Variants in TRIM24 observed in about 807,000 individuals in gnomAD.
TRIM24 encodes tripartite motif containing 24.
In TRIM24, 29 loss-of-function variants were observed where a neutral mutation model predicts 123.9. The observed-to-expected ratio is 0.23, with a 90% confidence interval of 0.17 to 0.32. The LOEUF (loss-of-function observed/expected upper bound fraction) is 0.32, where lower values mean the gene tolerates loss of function less well. Ranked by LOEUF, TRIM24 falls within the 10% of genes least tolerant of loss-of-function variation. The pLI is 1.00. For synonymous variants in TRIM24, 456 were observed against 461.1 expected (o/e 0.99, Z 0.14); for missense variants, 932 against 1,295.3 (o/e 0.72, Z 4.31).
chr7:138,472,546 A>G (rs530846242), intron 1 of TRIM24, among the ~76,000 whole-genome samples: 1 of 152,328 alleles, frequency 6.6e-6, no homozygotes, highest in Non-Finnish European at 1.5e-5. Flanking sequence ...ACAGGAGTGG[A>G]ACAAGGTTGA....
chr7:138,500,446 C>T (rs1796011865), intron 1 of TRIM24, among the ~76,000 whole-genome samples: 1 of 151,456 alleles, frequency 6.6e-6, no homozygotes, highest in Admixed American at 6.6e-5. Context: ...GCCTGTAGTC[C>T]CAGCTACTCA....
intron 6 of TRIM24, among the ~76,000 whole-genome samples, chr7:138,537,410 T>TTTTTTG (rs1796912996): frequency 7.2e-6 from 1 of 138,044 alleles, no homozygotes; most frequent in African/African-American, 2.8e-5. Flanking sequence ...TTTTTTTTTG[T>TTTTTTG]AAAGACGTGG....
Position 138,576,437 on chromosome 7 carries a change from C to G in TRIM24, c.2079C>G (p.Ser693Arg). Reference sequence around the variant, plus strand: ...CACCTAGTGCCTCCAGCGTTGGAAGCCGAGGAAGGTAAACTGACTAAACCA... The same window carrying G: ...CACCTAGTGCCTCCAGCGTTGGAAGGCGAGGAAGGTAAACTGACTAAACCA... ...IRSPSASSVG[S>R]RGSSGSSSKP... Residue 693 changes from serine (S) to arginine (R), a missense_variant, in exon 13 of 19, where the codon AGC becomes AGG. Coordinates refer to ENST00000343526, the MANE Select transcript of TRIM24 (RefSeq NM_015905.3). 1 of 1,613,542 alleles carries G rather than the reference C, an allele frequency of 6.2e-7. No individual in the cohort carries two copies. Among genetic ancestry groups the G allele is most frequent in the Non-Finnish European group, 8.5e-7 (1 of 1,179,600 alleles).
At chr7:138,466,463 C>T (rs199944639) in intron 1 of TRIM24, among the ~76,000 whole-genome samples, 121 of 74,042 alleles carry the variant, frequency 1.6e-3, no homozygotes, top group South Asian at 2.9e-3. Flanking sequence ...ACTTAAGTTG[C>T]TTTTTTTTTT....
At chr7:138,502,784 A>G (rs990581973) in intron 1 of TRIM24, among the ~76,000 whole-genome samples, 1 of 152,204 alleles carries the variant, frequency 6.6e-6, no homozygotes, top group Non-Finnish European at 1.5e-5. Flanking sequence ...GTGTGTTTAG[A>G]TAGATCTTCC....
intron 8 of TRIM24, among the ~76,000 whole-genome samples, chr7:138,552,367 A>C (rs1158399016): frequency 6.6e-6 from 1 of 152,212 alleles, no homozygotes; most frequent in Non-Finnish European, 1.5e-5. Context: ...CATTAGGAAG[A>C]AAAGTATCCT....
At position 138,460,841 on chromosome 7, in the gene TRIM24, C is replaced by T; in HGVS notation, c.293C>T (p.Ser98Leu). The change falls in exon 1 of 19, where the codon TCG becomes TTG. Residue 98 changes from serine to leucine, a missense_variant. Ser to Leu is a moderately radical substitution (Grantham distance 145). This residue lies in a region of TRIM24 where 164 missense variants were observed against 181.9 expected (regional missense o/e 0.90). Coordinates refer to ENST00000343526, the MANE Select transcript of TRIM24 (RefSeq NM_015905.3). Reference protein sequence around the residue: ...YLMLPAPMLGSAETPPPVPAP... With the variant: ...YLMLPAPMLGLAETPPPVPAP... ...ATGCTGCCCGCGCCCATGCTGGGCT[C>T]GGCCGAGACCCCGCCACCCGTCCCT... 6.4e-7 allele frequency: 1 copy of T among 1,568,710 alleles called. No homozygotes were observed. Among genetic ancestry groups the T allele is most frequent in the Non-Finnish European group, 8.6e-7 (1 of 1,164,788 alleles).
intron 10 of TRIM24, 132 bp downstream of exon 10, chr7:138,567,786 T>C (rs1797566842): frequency 7.4e-6 from 7 of 949,120 alleles, no homozygotes; most frequent in African/African-American, 1.7e-5. Context: ...TTTAAATAAA[T>C]GTGAATTGCA....
chr7:138,556,730 G>A (rs1797323499), intron 9 of TRIM24, among the ~76,000 whole-genome samples: 1 of 152,212 alleles, frequency 6.6e-6, no homozygotes, highest in African/African-American at 2.4e-5. Context: ...TGAGCCCACA[G>A]AGCAGGCTTG....
chr7:138,550,320 TG>T (rs966151106), intron 7 of TRIM24, among the ~76,000 whole-genome samples: 36 of 144,936 alleles, frequency 2.5e-4, no homozygotes, highest in African/African-American at 8.0e-4. Context: ...GAGTTGATGG[TG>T]TGTGTGTGTG....
At chr7:138,538,858 A>C in intron 7 of TRIM24, 55 bp downstream of exon 7, 5 of 1,460,270 alleles carry the variant, frequency 3.4e-6, no homozygotes, top group Non-Finnish European at 4.7e-6. Flanking sequence ...AAAACAATGG[A>C]GCCATTGTAA....
chr7:138,550,441 T>C (rs985183403), intron 7 of TRIM24, among the ~76,000 whole-genome samples: 1 of 151,928 alleles, frequency 6.6e-6, no homozygotes, highest in Non-Finnish European at 1.5e-5. Context: ...TCATCAAAAA[T>C]TGCCACAGGA....
At position 138,529,602 on chromosome 7, in the gene TRIM24, C is replaced by T. The variant is rs983633213; in HGVS notation, c.996+372C>T. ...AAGATACACTGTTCGATTTAGTTCT[C>T]AAATATATATATTTAACCCTGTGAG... On this transcript the variant is annotated intron_variant, in intron 6 of 18. Transcript: ENST00000343526. Among the ~76,000 whole-genome samples, 5 of 152,258 alleles carry T rather than the reference C, an allele frequency of 3.3e-5. No individual in the cohort carries two copies. The South Asian group carries it at 1.0e-3, about 32-fold the overall frequency.
At chr7:138,583,824 A>AT in intron 17 of TRIM24, 26 bp from the exon 18 acceptor site, 2 of 1,471,208 alleles carry the variant, frequency 1.4e-6, no homozygotes, top group Non-Finnish European at 1.9e-6. Context: ...AGCTATTTGT[A>AT]TTATAACATC....
intron 9 of TRIM24, among the ~76,000 whole-genome samples, chr7:138,556,832 A>G (rs918497947): frequency 7.2e-5 from 11 of 152,218 alleles, no homozygotes; most frequent in African/African-American, 2.7e-4. Flanking sequence ...CACTGGCCCA[A>G]CAGATTCACA....
chr7:138,581,430 TAC>T (rs1383911184), intron 16 of TRIM24, among the ~76,000 whole-genome samples: 1 of 152,242 alleles, frequency 6.6e-6, no homozygotes, highest in Non-Finnish European at 1.5e-5. Context: ...TAATTTATAA[TAC>T]ACAGACTGGA....
intron 8 of TRIM24, 26 bp downstream of exon 8, chr7:138,551,206 T>G: frequency 1.9e-6 from 3 of 1,545,564 alleles, no homozygotes; most frequent in Non-Finnish European, 2.7e-6. Context: ...TACATACATT[T>G]CTCAGTGGCA....
intron 1 of TRIM24, among the ~76,000 whole-genome samples, chr7:138,472,227 A>G (rs571222673): frequency 1.2e-4 from 19 of 152,254 alleles, no homozygotes; most frequent in Middle Eastern, 3.4e-3. Flanking sequence ...TTCTTTTTAT[A>G]TAAATCAGGC....
At chr7:138,498,669 G>A (rs941890256) in intron 1 of TRIM24, among the ~76,000 whole-genome samples, 13 of 149,514 alleles carry the variant, frequency 8.7e-5, no homozygotes, top group Admixed American at 4.7e-4. Context: ...TTTCCGAGAC[G>A]GAGTTTTGCC....
Sources: gnomAD v4.1 joint callset for allele counts (sites outside exome capture counted in the v4.1 genomes callset) on GRCh38, gnomAD v4.1.1 for gene constraint, gnomAD v4.1.1 regional missense constraint, MANE v1.5 for transcripts, NCBI Gene and HGNC (gene_info 2026-07-23, HGNC 2026-07-21) for gene names.